The following CCSER1 variants were observed in gnomAD, a reference collection of about 807,000 sequenced individuals.
The protein encoded by CCSER1 is coiled-coil serine rich protein 1.
CCSER1 carries 41 observed loss-of-function variants against 82.0 expected under a neutral mutation model. The ratio of observed to expected loss-of-function variants is 0.50; its 90% confidence interval spans 0.39 to 0.65. CCSER1 has a LOEUF of 0.65. CCSER1 is among the 30% of genes least tolerant of loss of function. The probability of loss-of-function intolerance (pLI) is 0.00; values close to 1 mark genes in which losing one functional copy is unlikely to be tolerated. For synonymous variants in CCSER1, 414 were observed against 383.9 expected, an observed-to-expected ratio of 1.08 and a Z score of -0.92; for missense variants, 1,119 against 1,064.2, an observed-to-expected ratio of 1.05 and a Z score of -0.72.
chr4:91,042,517 G>A (rs1228753363), intron 9 of CCSER1, among the ~76,000 whole-genome samples: 1 of 152,230 alleles, frequency 6.6e-6, no homozygotes, highest in African/African-American at 2.4e-5. Flanking sequence ...TCCTTATTTA[G>A]TTTATCAAAG....
At position 90,139,459 on chromosome 4, in the gene CCSER1, A is replaced by G. The variant is rs527273629; in HGVS notation, c.-42+11628A>G. Among the ~76,000 whole-genome samples, 5 of 152,264 alleles carry G rather than the reference A, an allele frequency of 3.3e-5. No homozygotes were observed. The South Asian group carries it at 1.0e-3, about 32-fold the overall frequency. ...TAGCTTTCATGTTTTTGAAGTATAT[A>G]TACTATCTATCCTTCAGGTCATATG... On this transcript the variant is annotated intron_variant, in intron 1 of 10. Coordinates refer to ENST00000509176, the MANE Select transcript of CCSER1 (RefSeq NM_001145065.2).
intron 5 of CCSER1, among the ~76,000 whole-genome samples, chr4:90,578,460 A>G (rs1427481462): frequency 6.6e-6 from 1 of 152,020 alleles, no homozygotes; most frequent in Non-Finnish European, 1.5e-5. Flanking sequence ...TGGCACTCTG[A>G]CCCTACCTTT....
intron 4 of CCSER1, among the ~76,000 whole-genome samples, chr4:90,413,146 C>A (rs974944457): frequency 1.6e-4 from 25 of 152,132 alleles, no homozygotes; most frequent in African/African-American, 5.8e-4. Flanking sequence ...CTTCTATACA[C>A]CAACAGTTAC....
At chr4:91,325,373 C>T (rs1285474190) in intron 10 of CCSER1, 3 of 320,538 alleles carry the variant, frequency 9.4e-6, no homozygotes, top group African/African-American at 2.2e-5. Context: ...ATAAGTATGC[C>T]ATGTGTCATC....
chr4:91,082,109 C>A (rs1481458438), intron 9 of CCSER1, among the ~76,000 whole-genome samples: 1 of 152,206 alleles, frequency 6.6e-6, no homozygotes, highest in Admixed American at 6.5e-5. Flanking sequence ...ATTGCCAAGA[C>A]AATCCTAAGC....
At chr4:91,418,309 A>AAAC (rs1753493251) in intron 10 of CCSER1, among the ~76,000 whole-genome samples, 2 of 150,912 alleles carry the variant, frequency 1.3e-5, no homozygotes, top group South Asian at 4.2e-4. Context: ...TAATTAAAAA[A>AAAC]AAAAAAAACA....
chr4:90,598,468 A>C (rs889030319), intron 5 of CCSER1, among the ~76,000 whole-genome samples: 2 of 152,044 alleles, frequency 1.3e-5, no homozygotes, highest in Admixed American at 1.3e-4. Flanking sequence ...CACCTTCAAC[A>C]ATATTTGTTA....
intron 1 of CCSER1, among the ~76,000 whole-genome samples, chr4:90,214,556 C>T (rs1290584849): frequency 6.6e-6 from 1 of 152,068 alleles, no homozygotes; most frequent in Non-Finnish European, 1.5e-5. Context: ...ATCATGTAGC[C>T]ATGCAGTTGC....
At chr4:90,197,160 C>T (rs181870311) in intron 1 of CCSER1, among the ~76,000 whole-genome samples, 2 of 152,180 alleles carry the variant, frequency 1.3e-5, no homozygotes, top group Admixed American at 1.3e-4. Flanking sequence ...TACTTTTACC[C>T]ATTTATTATA....
At chr4:90,933,732 CAT>C (rs1730572980) in intron 9 of CCSER1, among the ~76,000 whole-genome samples, 1 of 150,784 alleles carries the variant, frequency 6.6e-6, no homozygotes, top group South Asian at 2.1e-4. Context: ...TTAAAATAAT[CAT>C]ATAAATGCTG....
At chr4:91,180,616 A>G (rs1181410769) in intron 10 of CCSER1, among the ~76,000 whole-genome samples, 3 of 152,208 alleles carry the variant, frequency 2.0e-5, no homozygotes, top group Non-Finnish European at 4.4e-5. Context: ...AGCCAGGCAC[A>G]GGATTTAATC....
chr4:90,402,696 A>G (rs1753056289), intron 4 of CCSER1, among the ~76,000 whole-genome samples: 1 of 152,246 alleles, frequency 6.6e-6, no homozygotes, highest in African/African-American at 2.4e-5. Flanking sequence ...TTGGTAGTCA[A>G]CCACAATGAC....
At chr4:91,306,923 A>G (rs181028341) in intron 10 of CCSER1, among the ~76,000 whole-genome samples, 3 of 152,144 alleles carry the variant, frequency 2.0e-5, no homozygotes, top group Admixed American at 2.0e-4. Flanking sequence ...TTAAAGGCAC[A>G]TAATGACTGA....
intron 10 of CCSER1, among the ~76,000 whole-genome samples, chr4:91,488,417 A>G (rs1010390376): frequency 2.0e-5 from 3 of 152,198 alleles, no homozygotes. Flanking sequence ...TGTGTCAGAC[A>G]CTATTCTAAG....
At chr4:90,605,926 A>G (rs999522936) in intron 5 of CCSER1, among the ~76,000 whole-genome samples, 2 of 152,260 alleles carry the variant, frequency 1.3e-5, no homozygotes, top group East Asian at 1.9e-4. Flanking sequence ...TGACAATAAC[A>G]TATGCCAAAT....
At chr4:90,498,998 TTA>T (rs1236820507) in intron 5 of CCSER1, among the ~76,000 whole-genome samples, 1 of 152,156 alleles carries the variant, frequency 6.6e-6, no homozygotes, top group African/African-American at 2.4e-5. Context: ...GATGAGTTGA[TTA>T]TGTAATAAAT....
chr4:90,268,984 C>A (rs966061559), intron 1 of CCSER1, among the ~76,000 whole-genome samples: 6 of 152,068 alleles, frequency 3.9e-5, no homozygotes. Context: ...TGGGTCAATT[C>A]AGCAAGAGGA....
chr4:90,761,300 T>G (rs1342563614), intron 7 of CCSER1, among the ~76,000 whole-genome samples: 2 of 152,162 alleles, frequency 1.3e-5, no homozygotes, highest in Non-Finnish European at 2.9e-5. Context: ...CCAACAATAT[T>G]ATCTTATTTA....
At chr4:91,402,443 G>C (rs1315301844) in intron 10 of CCSER1, among the ~76,000 whole-genome samples, 1 of 151,976 alleles carries the variant, frequency 6.6e-6, no homozygotes, top group Non-Finnish European at 1.5e-5. Context: ...TGTTGCTTTT[G>C]GTATTTTAGA....
Sources: allele counts gnomAD v4.1 joint callset (sites outside exome capture counted in the v4.1 genomes callset), GRCh38; gene constraint gnomAD v4.1.1; transcripts MANE v1.5; gene names NCBI Gene and HGNC (gene_info 2026-07-23, HGNC 2026-07-21).